Variants in THUMPD3 observed in about 807,000 individuals in gnomAD.
THUMPD3 encodes THUMP domain 3 tRNA guanosine methyltransferase.
A neutral mutation model predicts 54.5 loss-of-function variants in THUMPD3; 44 were observed. The ratio of observed to expected loss-of-function variants is 0.81; its 90% CI spans 0.63 to 1.04. The LOEUF (loss-of-function observed/expected upper bound fraction) is 1.04. Ranked by LOEUF, THUMPD3 falls within the 50% of genes least tolerant of loss-of-function variation. The probability of loss-of-function intolerance (pLI) is 0.00; values close to 1 mark genes in which losing one functional copy is unlikely to be tolerated. For missense variants in THUMPD3, 604 were observed against 601.3 expected (o/e 1.00, Z -0.05); for synonymous variants, 196 against 201.4 (o/e 0.97, Z 0.23).
At position 9,383,302 on chromosome 3, in the gene THUMPD3, G is replaced by T. The variant is rs777498533; in HGVS notation, c.1228G>T (p.Gly410Ter). The part of the protein sequence containing the change: ...VDIIVTDLPF[G>*]KRMGSKKRNW... ...TATTATTGTAACAGATTTGCCATTT[G>T]GAAAAAGGTGAGAAATACTAGTACC... The change falls in exon 8 of 10, where the codon GGA (glycine) becomes TGA (stop). Residue 410 changes from glycine to a stop codon, truncating the protein, a stop_gained. Coordinates refer to ENST00000452837, the MANE Select transcript of THUMPD3 (RefSeq NM_001114092.2). LOFTEE classifies it high-confidence loss of function. 1.1e-5 allele frequency: 18 copies of T among 1,609,030 alleles called. No homozygotes were observed. Among genetic ancestry groups the T allele is most frequent in the Non-Finnish European group, 1.4e-5 (17 of 1,175,738 alleles).
chr3:9,368,153 C>T (rs759606455), intron 3 of THUMPD3, among the ~76,000 whole-genome samples: 1 of 152,048 alleles, frequency 6.6e-6, no homozygotes. Flanking sequence ...CTAATGAGTT[C>T]TCTTAAGTAT....
chr3:9,385,674 A>G lies in THUMPD3; in HGVS notation c.*986A>G, dbSNP rs2033282210. ...AGATGGGGTGTGGGACCAACAAACC[A>G]AATTAAAAGAAATTGTTTTTCTTTC... On this transcript the variant is annotated 3_prime_UTR_variant, in exon 10 of 10. Transcript: ENST00000452837. 6.6e-6 allele frequency: 1 copy of G among 152,238 alleles called. No individual in the cohort carries two copies. The highest frequency in any genetic ancestry group is 2.4e-5 in the African/African-American group (1 of 41,466). The allele number at this position is 152,238 out of a possible 1,614,324, so 9.4% of individuals were successfully genotyped here.
At chr3:9,384,436 T>C in intron 9 of THUMPD3, 88 bp from the exon 10 acceptor site, 5 of 1,600,620 alleles carry the variant, frequency 3.1e-6, no homozygotes, top group Non-Finnish European at 4.3e-6. Flanking sequence ...TCTCTTCCCC[T>C]GAGGTTTCCT....
chr3:9,366,335 AAT>A (rs1268164088), intron 2 of THUMPD3, among the ~76,000 whole-genome samples: 1 of 152,114 alleles, frequency 6.6e-6, no homozygotes, highest in African/African-American at 2.4e-5. Flanking sequence ...TTTTTCCACC[AAT>A]ATATCCCACG....
At chr3:9,379,612 G>C (rs1271527457) in intron 6 of THUMPD3, among the ~76,000 whole-genome samples, 1 of 152,166 alleles carries the variant, frequency 6.6e-6, no homozygotes, top group Non-Finnish European at 1.5e-5. Context: ...TCTGCTGACA[G>C]GTTTTTTATT....
In THUMPD3 at chr3:9,371,409, T is replaced by G. The variant is rs374411226; in HGVS notation, c.680T>G (p.Phe227Cys). The part of the protein sequence containing the change: ...KEETEPQVLK[F>C]RVTCNRAGEK... ...GAAACTGAGCCTCAAGTGCTGAAGT[T>G]TAGAGTCACATGCAACAGGGCAGGA... is the stretch of plus-strand genomic sequence containing the variant. The change falls in exon 4 of 10, where the codon TTT (phenylalanine) becomes TGT (cysteine). Residue 227 changes from phenylalanine to cysteine, a missense_variant. Physicochemically the swap from Phe to Cys is radical, Grantham distance 205. Transcript: ENST00000452837. 6.2e-6 allele frequency: 10 copies of G among 1,614,016 alleles called. No individual in the cohort carries two copies. The East Asian group carries it at 1.3e-4, about 22-fold the overall frequency.
intron 3 of THUMPD3, among the ~76,000 whole-genome samples, chr3:9,369,173 G>A (rs1251482672): frequency 2.6e-5 from 4 of 151,738 alleles, no homozygotes; most frequent in Admixed American, 1.3e-4. Flanking sequence ...AGCCGGGTGC[G>A]GTGGCGGGCT....
chr3:9,384,615 G>T lies in THUMPD3; in HGVS notation c.1451G>T (p.Arg484Leu), dbSNP rs577863688. The T allele has an allele frequency of 3.1e-6, 5 of 1,614,022 alleles. No homozygotes were observed. Among genetic ancestry groups the T allele is most frequent in the Non-Finnish European group, 4.2e-6 (5 of 1,180,040 alleles). ...CGTGCTGCAGTTTACGTTCTGATACGTACACCTCAAGCTTTTGTTCATCCT... is the reference window on the plus strand; with the variant it reads ...CGTGCTGCAGTTTACGTTCTGATACTTACACCTCAAGCTTTTGTTCATCCT... The part of the protein sequence containing the change: ...GLRAAVYVLI[R>L]TPQAFVHPSE... Residue 484 changes from arginine to leucine, a missense_variant, in exon 10 of 10, where the codon CGT (arginine) becomes CTT (leucine). Arg to Leu is a moderately radical substitution (Grantham distance 102). Transcript: ENST00000452837.
In THUMPD3 at chr3:9,374,563, G is replaced by A. The variant is rs1384310349; in HGVS notation, c.855G>A (p.Leu285=). The change falls in exon 5 of 10, where the codon TTG becomes TTA. Residue 285 remains leucine (L), a synonymous_variant. Transcript: ENST00000452837. ...HDNEVIVGIA[L]TEESLHRRNI... ...ATGAAGTCATTGTGGGCATTGCATT[G>A]ACTGAAGAGAGTCTCCACCGAAGAA... 1 of 1,614,016 alleles carries A rather than the reference G, an allele frequency of 6.2e-7. No homozygotes were observed. The highest frequency in any genetic ancestry group is 8.5e-7 in the Non-Finnish European group (1 of 1,179,966).
At position 9,386,131 on chromosome 3, in the gene THUMPD3, C is replaced by T. The variant is rs2033315658; in HGVS notation, c.*1443C>T. The T allele has an allele frequency of 6.6e-6, 1 of 152,204 alleles. No individual in the cohort carries two copies. Among genetic ancestry groups the T allele is most frequent in the Middle Eastern group, 3.2e-3 (1 of 316 alleles). The allele number at this position is 152,204 out of a possible 1,614,324, so 9.4% of individuals were successfully genotyped here. ...TCACATTAGCAGCACAGCCAGCAAT[C>T]CTCATCTGGTTTCTCTGATCTCCTA... is the stretch of plus-strand genomic sequence containing the variant. On this transcript the variant is annotated 3_prime_UTR_variant, in exon 10 of 10. Transcript: ENST00000452837.
intron 5 of THUMPD3, among the ~76,000 whole-genome samples, chr3:9,375,596 T>C (rs1364421747): frequency 3.9e-5 from 6 of 152,376 alleles, no homozygotes; most frequent in Non-Finnish European, 7.3e-5. Flanking sequence ...ATACCTATTA[T>C]ATACAGTGCC....
At chr3:9,377,796 A>C in intron 5 of THUMPD3, 23 bp from the exon 6 acceptor site, 1 of 1,604,644 alleles carries the variant, frequency 6.2e-7, no homozygotes. Flanking sequence ...GAGTCTTCAC[A>C]TAGGCTGTTT....
At chr3:9,371,873 G>A (rs1329732837) in intron 4 of THUMPD3, among the ~76,000 whole-genome samples, 2 of 152,152 alleles carry the variant, frequency 1.3e-5, no homozygotes, top group Admixed American at 6.6e-5. Context: ...AGGTTGAGTT[G>A]TCTGTTTTCT....
Position 9,385,744 on chromosome 3 carries a change from A to G in THUMPD3, c.*1056A>G, listed in dbSNP as rs1008261063. ...TTTCAAAACCAAACACAAACCTGTC[A>G]AGAGTATTTGTTGGCTAGTTTCTTA... On this transcript the variant is annotated 3_prime_UTR_variant, in exon 10 of 10. Coordinates refer to ENST00000452837, the MANE Select transcript of THUMPD3 (RefSeq NM_001114092.2). The G allele has an allele frequency of 1.1e-4, 17 of 152,230 alleles. No individual in the cohort carries two copies. Among genetic ancestry groups the G allele is most frequent in the African/African-American group, 3.9e-4 (16 of 41,456 alleles). The allele number at this position is 152,230 out of a possible 1,614,324, so 9.4% of individuals were successfully genotyped here.
chr3:9,367,547 A>G (rs1009633349), intron 3 of THUMPD3, among the ~76,000 whole-genome samples: 5 of 152,206 alleles, frequency 3.3e-5, no homozygotes, highest in Admixed American at 3.3e-4. Context: ...GGTTTTTTCC[A>G]CACTGCTTTT....
In THUMPD3 at chr3:9,384,287, C is replaced by T; in HGVS notation, c.1311C>T (p.Thr437=). 1 of 1,614,192 alleles carries T rather than the reference C, an allele frequency of 6.2e-7. No homozygotes were observed. The highest frequency in any genetic ancestry group is 8.5e-7 in the Non-Finnish European group (1 of 1,180,032). ...AGATGAGCCGTGTCTGCACACCTAC[C>T]ACAGGCCGAGCTGTACTACTTACTC... ...LREMSRVCTP[T]TGRAVLLTQD... is the part of the protein sequence containing the mutation. Residue 437 remains threonine, a synonymous_variant, in exon 9 of 10, where the codon ACC becomes ACT. Coordinates refer to ENST00000452837, the MANE Select transcript of THUMPD3 (RefSeq NM_001114092.2).
chr3:9,370,928 G>A (rs1439493772), intron 3 of THUMPD3, 132 bp from the exon 4 acceptor site: 5 of 722,482 alleles, frequency 6.9e-6, no homozygotes, highest in African/African-American at 1.8e-5. Flanking sequence ...AGCATCTTTG[G>A]GTTTTGGTGT....
In THUMPD3 at chr3:9,377,248, G is replaced by A. The variant is rs150617709; in HGVS notation, c.939-571G>A. On this transcript the variant is annotated intron_variant, in intron 5 of 9. Transcript: ENST00000452837. ...TACACATGTGTACTTTAAGATGTCT[G>A]CAAACTAAATTTCATCTGAGAGTGA... Among the ~76,000 whole-genome samples, 11 of 152,144 alleles carry A rather than the reference G, an allele frequency of 7.2e-5. No individual in the cohort carries two copies. In the East Asian group the frequency reaches 2.1e-3, roughly 29 times the overall value.
chr3:9,383,540 C>G (rs1264371046), intron 8 of THUMPD3, among the ~76,000 whole-genome samples: 1 of 152,054 alleles, frequency 6.6e-6, no homozygotes, highest in Non-Finnish European at 1.5e-5. Context: ...CTGTAATTCA[C>G]TTTCTAGCCC....
Sources: allele counts gnomAD v4.1 joint callset (sites outside exome capture counted in the v4.1 genomes callset), GRCh38; gene constraint gnomAD v4.1.1; transcripts MANE v1.5; gene names NCBI Gene and HGNC (gene_info 2026-07-23, HGNC 2026-07-21).